Variants in TGM1 observed in about 807,000 individuals in gnomAD.
The protein encoded by TGM1 is transglutaminase 1, also known as protein-glutamine gamma-glutamyltransferase K.
A neutral mutation model predicts 88.7 loss-of-function variants in TGM1; 63 were observed. The ratio of observed to expected loss-of-function variants is 0.71; its 90% confidence interval spans 0.58 to 0.88. TGM1 has a LOEUF of 0.88. TGM1 is among the 40% of genes least tolerant of loss of function. The pLI is 0.00. For missense variants in TGM1, 996 were observed against 1,118.0 expected, an observed-to-expected ratio of 0.89 and a Z score of 1.56; for synonymous variants, 415 against 431.1, an observed-to-expected ratio of 0.96 and a Z score of 0.46.
chr14:24,252,550 C>G (rs775905369), intron 14 of TGM1, among the ~76,000 whole-genome samples: 2 of 152,230 alleles, frequency 1.3e-5, no homozygotes, highest in Admixed American at 6.5e-5. Context: ...GGTTCAGGCT[C>G]TGTTCACTGA....
In TGM1 at chr14:24,254,275, G is replaced by A. The variant is rs746902595; in HGVS notation, c.2102C>T (p.Ala701Val). 3 of 1,614,086 alleles carry A rather than the reference G, an allele frequency of 1.9e-6. No individual in the cohort carries two copies. The East Asian group carries it at 6.7e-5, about 36-fold the overall frequency. ...PDLSLTLLGAAVVGQECEVQI... is the reference protein window; with the variant it reads ...PDLSLTLLGAVVVGQECEVQI... ...TACTTCACACTCCTGGCCAACCACTGCTGCTCCCAGTAACTGAGAGAAAAA... is the reference window on the plus strand; with the variant it reads ...TACTTCACACTCCTGGCCAACCACTACTGCTCCCAGTAACTGAGAGAAAAA... Residue 701 changes from alanine to valine, a missense_variant, in exon 14 of 15, where the codon GCA (alanine) becomes GTA (valine). Physicochemically the swap from Ala to Val is moderately conservative, Grantham distance 64 (BLOSUM62 0). Coordinates refer to ENST00000206765, the MANE Select transcript of TGM1 (RefSeq NM_000359.3).
chr14:24,260,370 C>G, intron 4 of TGM1, 80 bp downstream of exon 4: 1 of 1,591,122 alleles, frequency 6.3e-7, no homozygotes, highest in Non-Finnish European at 8.6e-7. Context: ...CACCTAGGCA[C>G]CCCGCCACAT....
rs1163381768 is a variant in TGM1 at position 24,260,306 on chromosome 14, A to G, written c.757+144T>C. The stretch of plus-strand genomic sequence containing the variant: ...CCTGGGCTGGCCACCTTTCTGCACC[A>G]GGCCTCGGTCCTCTCATCTGCCCAA... On this transcript the variant is annotated intron_variant, in intron 4 of 14. Transcript: ENST00000206765. 19 of 1,372,876 alleles carry G rather than the reference A, an allele frequency of 1.4e-5. No homozygotes were observed. The African/African-American group carries it at 1.9e-4, about 13-fold the overall frequency. 85.0% of individuals were successfully genotyped at this position (1,372,876 alleles called of 1,614,324 possible).
In TGM1 at chr14:24,259,353, A is replaced by G. The variant is rs1195217175; in HGVS notation, c.985-104T>C. ...GGCCCCGATCCTGCAACCACCCCTT[A>G]CCCCTAAATGCCTCAGGATCCAGAC... On this transcript the variant is annotated intron_variant, in intron 6 of 14. Transcript: ENST00000206765. The surrounding 1 kb of genome is among the most constrained non-coding windows in gnomAD (Gnocchi z 5.7). 1 of 1,122,484 alleles carries G rather than the reference A, an allele frequency of 8.9e-7. No homozygotes were observed. The highest frequency in any genetic ancestry group is 1.3e-6 in the Non-Finnish European group (1 of 764,278). The allele number at this position is 1,122,484 out of a possible 1,614,324, so 69.5% of individuals were successfully genotyped here.
In TGM1 at chr14:24,258,661, A is replaced by G. The variant is rs2139023686; in HGVS notation, c.1172T>C (p.Leu391Pro). 6.2e-7 allele frequency: 1 copy of G among 1,614,230 alleles called. No individual in the cohort carries two copies. Among genetic ancestry groups the G allele is most frequent in the Non-Finnish European group, 8.5e-7 (1 of 1,180,030 alleles). ...GGTGACAGTACGGGTGGCCAGACCC[A>G]GGCAGCGCAGCACTGTGGAGGAGCG... ...AGVTTTVLRC[L>P]GLATRTVTNF... Residue 391 changes from leucine (L) to proline (P), a missense_variant, in exon 8 of 15, where the codon CTG becomes CCG. Physicochemically the swap from Leu to Pro is moderately conservative, Grantham distance 98. Transcript: ENST00000206765.
rs2040785462 is a variant in TGM1, at chr14:24,259,361, A to C, written c.985-112T>G. ...TCCTGCAACCACCCCTTACCCCTAA[A>C]TGCCTCAGGATCCAGACACCAGCCT... On this transcript the variant is annotated intron_variant, in intron 6 of 14. Transcript: ENST00000206765. This position sits in a 1 kb window ranked among gnomAD's most constrained non-coding sequence, Gnocchi z 5.7. 1.9e-6 allele frequency: 2 copies of C among 1,038,744 alleles called. No individual in the cohort carries two copies. The highest frequency in any genetic ancestry group is 1.4e-6 in the Non-Finnish European group (1 of 690,040). The allele number at this position is 1,038,744 out of a possible 1,614,324, so 64.3% of individuals were successfully genotyped here.
In TGM1 at chr14:24,258,535, C is replaced by T; in HGVS notation, c.1298G>A (p.Trp433Ter). The change falls in exon 8 of 15, where the codon TGG becomes TAG. Residue 433 changes from tryptophan (W) to a stop codon, truncating the protein, a stop_gained and splice_region_variant. Transcript: ENST00000206765. LOFTEE classifies it high-confidence loss of function. ...PLEHLNHDSV[W>*]NFHVWNDCWM... ...AGATGGGCAGTCCACCCCAGCTCACCAGACAGAATCATGGTTCAGGTGCTC... is the reference window on the plus strand; with the variant it reads ...AGATGGGCAGTCCACCCCAGCTCACTAGACAGAATCATGGTTCAGGTGCTC... The T allele has an allele frequency of 6.2e-7, 1 of 1,614,176 alleles. No homozygotes were observed. Among genetic ancestry groups the T allele is most frequent in the Non-Finnish European group, 8.5e-7 (1 of 1,180,030 alleles).
At chr14:24,257,548 A>C (rs1203465510) in intron 9 of TGM1, among the ~76,000 whole-genome samples, 1 of 152,224 alleles carries the variant, frequency 6.6e-6, no homozygotes, top group Non-Finnish European at 1.5e-5. Context: ...GCAATGGAAC[A>C]GACAGGAAGG....
At chr14:24,250,216 C>T (rs570665980) in intron 14 of TGM1, among the ~76,000 whole-genome samples, 241 of 151,162 alleles carry the variant, frequency 1.6e-3, no homozygotes, top group African/African-American at 5.4e-3. Flanking sequence ...AACACACACA[C>T]ACACACACAA....
chr14:24,253,607 T>C (rs953417785), intron 14 of TGM1, among the ~76,000 whole-genome samples: 1 of 152,168 alleles, frequency 6.6e-6, no homozygotes, highest in Non-Finnish European at 1.5e-5. Context: ...GACTCCCAAG[T>C]AGCTGGGACA....
chr14:24,249,832 C>T (rs1184638966), intron 14 of TGM1, among the ~76,000 whole-genome samples: 1 of 152,160 alleles, frequency 6.6e-6, no homozygotes, highest in African/African-American at 2.4e-5. Flanking sequence ...CCGCAGAGGC[C>T]TCTCATGCCA....
Position 24,254,751 on chromosome 14 carries a change from G to A in TGM1, c.2001C>T (p.Leu667=), listed in dbSNP as rs1023087795. The change falls in exon 13 of 15, where the codon CTC becomes CTT. Residue 667 remains leucine (L), a synonymous_variant. Transcript: ENST00000206765. The part of the protein sequence containing the change: ...PHLVDQGAML[L]NVSGHVKESG... ...TCTCCTTGACGTGGCCTGAGACATTGAGCAGCATGGCCCCCTGGTCCACAA... is the reference window on the plus strand; with the variant it reads ...TCTCCTTGACGTGGCCTGAGACATTAAGCAGCATGGCCCCCTGGTCCACAA... 2 of 1,614,054 alleles carry A rather than the reference G, an allele frequency of 1.2e-6. No individual in the cohort carries two copies. Among genetic ancestry groups the A allele is most frequent in the South Asian group, 1.1e-5 (1 of 91,086 alleles).
rs2040678419 is a variant in TGM1 at position 24,249,235 on chromosome 14, G to A, written c.*78C>T. On this transcript the variant is annotated 3_prime_UTR_variant, in exon 15 of 15. Coordinates refer to ENST00000206765, the MANE Select transcript of TGM1 (RefSeq NM_000359.3). Reference sequence around the variant, plus strand: ...GACTCCCCACCTGAGCTCCTGGGGAGCTGCTCTGTAGTGTGCCCCTATCTT... The same window carrying A: ...GACTCCCCACCTGAGCTCCTGGGGAACTGCTCTGTAGTGTGCCCCTATCTT... 9 of 1,361,640 alleles carry A rather than the reference G, an allele frequency of 6.6e-6. No homozygotes were observed. The South Asian group carries it at 9.4e-5, about 14-fold the overall frequency. 84.3% of individuals were successfully genotyped at this position (1,361,640 alleles called of 1,614,324 possible).
Position 24,259,328 on chromosome 14 carries a change from G to A in TGM1, c.985-79C>T. The stretch of plus-strand genomic sequence containing the variant: ...CCATGTGGTCCATGGGGACCAGCCG[G>A]GCCCCGATCCTGCAACCACCCCTTA... On this transcript the variant is annotated intron_variant, in intron 6 of 14. Coordinates refer to ENST00000206765, the MANE Select transcript of TGM1 (RefSeq NM_000359.3). The surrounding 1 kb of genome is among the most constrained non-coding windows in gnomAD (Gnocchi z 5.7). 7.0e-7 allele frequency: 1 copy of A among 1,437,346 alleles called. No homozygotes were observed. Among genetic ancestry groups the A allele is most frequent in the Non-Finnish European group, 9.6e-7 (1 of 1,044,386 alleles). 89.0% of individuals were successfully genotyped at this position (1,437,346 alleles called of 1,614,324 possible).
At chr14:24,257,423 C>T (rs148044954) in intron 9 of TGM1, among the ~76,000 whole-genome samples, 41 of 152,240 alleles carry the variant, frequency 2.7e-4, no homozygotes, top group African/African-American at 9.2e-4. Context: ...AAAAGAGACC[C>T]GTTGGTTATA....
Position 24,256,082 on chromosome 14 carries a change from A to G in TGM1, c.1403-5T>C, listed in dbSNP as rs1351025952. Reference sequence around the variant, plus strand: ...AGGGGCCGCAGCAGAAGATGCCTAGAGAGTGAGGCGGGACAGAGGCAAGAG... The same window carrying G: ...AGGGGCCGCAGCAGAAGATGCCTAGGGAGTGAGGCGGGACAGAGGCAAGAG... On this transcript the variant is annotated splice_polypyrimidine_tract_variant and splice_region_variant and intron_variant, in intron 9 of 14. Coordinates refer to ENST00000206765, the MANE Select transcript of TGM1 (RefSeq NM_000359.3). 2 of 1,559,362 alleles carry G rather than the reference A, an allele frequency of 1.3e-6. No individual in the cohort carries two copies. The highest frequency in any genetic ancestry group is 1.2e-5 in the South Asian group (1 of 84,714).
intron 1 of TGM1, among the ~76,000 whole-genome samples, 170 bp from the exon 2 acceptor site, chr14:24,262,524 A>G (rs1412013289): frequency 6.6e-6 from 1 of 151,994 alleles, no homozygotes; most frequent in African/African-American, 2.4e-5. Context: ...GACCATTCAG[A>G]CTCACCCAGA....
chr14:24,261,629 C>A (rs2040809086), intron 3 of TGM1, 66 bp downstream of exon 3: 1 of 1,601,644 alleles, frequency 6.2e-7, no homozygotes, highest in South Asian at 1.1e-5. Flanking sequence ...ACCTCTCTGA[C>A]CCTAATGCCA....
At chr14:24,256,138 C>G in intron 9 of TGM1, 61 bp from the exon 10 acceptor site, 1 of 1,418,434 alleles carries the variant, frequency 7.1e-7, no homozygotes, top group Non-Finnish European at 9.7e-7. Flanking sequence ...CTCTTCAGAC[C>G]CTGGGTAAGG....
Sources: gnomAD v4.1 joint callset for allele counts (sites outside exome capture counted in the v4.1 genomes callset) on GRCh38, gnomAD v4.1.1 for gene constraint, Gnocchi (gnomAD v3.1) non-coding constraint, MANE v1.5 for transcripts, NCBI Gene and HGNC (gene_info 2026-07-23, HGNC 2026-07-21) for gene names.